The following EPHA6 variants were observed in gnomAD, a reference collection of about 807,000 sequenced individuals.
EPHA6 encodes the protein ephrin type-A receptor 6.
Under a neutral mutation model 112.0 loss-of-function variants are expected in EPHA6, and 50 were observed. The ratio of observed to expected loss-of-function variants is 0.45; its 90% CI spans 0.36 to 0.56. The LOEUF is 0.56. EPHA6 is among the 20% of genes least tolerant of loss of function. EPHA6 has a pLI of 0.00. For synonymous variants in EPHA6, 529 were observed against 490.7 expected, an observed-to-expected ratio of 1.08 and a Z score of -1.03; for missense variants, 1,280 against 1,417.4, an observed-to-expected ratio of 0.90 and a Z score of 1.56.
At chr3:96,934,106 A>G (rs2040465703) in intron 2 of EPHA6, among the ~76,000 whole-genome samples, 1 of 152,002 alleles carries the variant, frequency 6.6e-6, no homozygotes, top group African/African-American at 2.4e-5. Context: ...TAAAAATATG[A>G]AATACCTTTT....
intron 2 of EPHA6, among the ~76,000 whole-genome samples, chr3:96,910,411 A>T (rs973051330): frequency 6.6e-6 from 1 of 152,040 alleles, no homozygotes; most frequent in Admixed American, 6.6e-5. Flanking sequence ...AGCCATAATG[A>T]TGCCTTAAAA....
chr3:97,133,354 G>T (rs1218433904), intron 3 of EPHA6, among the ~76,000 whole-genome samples: 1 of 151,982 alleles, frequency 6.6e-6, no homozygotes, highest in Non-Finnish European at 1.5e-5. Context: ...CATTGAAATT[G>T]AAAGAGTAAG....
At chr3:97,366,273 G>T (rs189809004) in intron 5 of EPHA6, among the ~76,000 whole-genome samples, 3 of 152,018 alleles carry the variant, frequency 2.0e-5, no homozygotes, top group African/African-American at 7.2e-5. Context: ...ACTAATAAAA[G>T]CAATATGTTG....
chr3:97,257,517 G>A (rs542041251), intron 5 of EPHA6, among the ~76,000 whole-genome samples: 37 of 152,044 alleles, frequency 2.4e-4, no homozygotes, highest in Admixed American at 6.5e-4. Flanking sequence ...AATTGGACTC[G>A]TTGATTTTTC....
intron 1 of EPHA6, among the ~76,000 whole-genome samples, chr3:96,838,918 T>C (rs1381948459): frequency 6.6e-6 from 1 of 152,088 alleles, no homozygotes; most frequent in Admixed American, 6.6e-5. Context: ...TCACTTTAAC[T>C]AGTGGTCATT....
intron 14 of EPHA6, among the ~76,000 whole-genome samples, chr3:97,639,026 C>T (rs2093978322): frequency 6.6e-6 from 1 of 151,886 alleles, no homozygotes; most frequent in South Asian, 2.1e-4. Flanking sequence ...GAATAAAATG[C>T]AAGTTTAATA....
At position 97,513,443 on chromosome 3, in the gene EPHA6, A is replaced by AT. The variant is rs1362628573; in HGVS notation, c.2201-18909dup. 2.0e-5 allele frequency among the ~76,000 whole-genome samples: 3 copies of AT among 152,206 alleles called. No individual in the cohort carries two copies. In the East Asian group the frequency reaches 5.8e-4, roughly 29 times the overall value. The stretch of plus-strand genomic sequence containing the variant: ...TAAGTGTCCACCAACAGATAAATGG[A>AT]TTTTTTAAAATGTGATGTGGTATAT... On this transcript the variant is annotated intron_variant, in intron 10 of 17. Transcript: ENST00000389672.
At chr3:97,598,652 A>C (rs931993095) in intron 12 of EPHA6, among the ~76,000 whole-genome samples, 234 of 151,406 alleles carry the variant, frequency 1.5e-3, no homozygotes, top group Non-Finnish European at 2.9e-3. Flanking sequence ...CATTTTCTTA[A>C]TCCAGTCTAT....
chr3:96,815,114 C>T, intron 1 of EPHA6, 106 bp downstream of exon 1: 1 of 1,142,426 alleles, frequency 8.8e-7, no homozygotes, highest in Non-Finnish European at 1.2e-6. Flanking sequence ...GGGTCAGAGT[C>T]TCCTGGCTCG....
In EPHA6 at chr3:97,391,420, C is replaced by T. The variant is rs1023638080; in HGVS notation, c.1607-13730C>T. On this transcript the variant is annotated intron_variant, in intron 5 of 17. Transcript: ENST00000389672. ...TACAGTACAGTTTGTAAGTGCTAGA[C>T]TTCAGTCAGAAGTCTGTTCTTTACA... Among the ~76,000 whole-genome samples the T allele has an allele frequency of 4.6e-5, 7 of 151,960 alleles. No homozygotes were observed. The Admixed American group carries it at 4.6e-4, about 10-fold the overall frequency.
intron 5 of EPHA6, among the ~76,000 whole-genome samples, chr3:97,282,665 A>G (rs866205478): frequency 2.1e-4 from 32 of 152,196 alleles, no homozygotes; most frequent in Non-Finnish European, 2.8e-4. Flanking sequence ...CATAAAAAGG[A>G]ACGAGATTAT....
chr3:97,621,339 G>T (rs1345303113), intron 13 of EPHA6, among the ~76,000 whole-genome samples: 1 of 151,894 alleles, frequency 6.6e-6, no homozygotes, highest in African/African-American at 2.4e-5. Flanking sequence ...CCTGAAGGGT[G>T]AAATAATCTG....
chr3:97,607,302 C>T (rs1353167325), intron 12 of EPHA6, among the ~76,000 whole-genome samples: 4 of 150,630 alleles, frequency 2.7e-5, no homozygotes, highest in Admixed American at 2.0e-4. Flanking sequence ...AAAGTGTAGT[C>T]TTATGATTAT....
intron 3 of EPHA6, among the ~76,000 whole-genome samples, chr3:97,152,553 G>A (rs189633403): frequency 7.0e-4 from 107 of 151,848 alleles, no homozygotes; most frequent in African/African-American, 2.5e-3. Flanking sequence ...ATTATCTCTG[G>A]TTTCTACTAA....
intron 5 of EPHA6, among the ~76,000 whole-genome samples, chr3:97,269,550 T>A (rs2079811949): frequency 6.6e-6 from 1 of 152,154 alleles, no homozygotes; most frequent in South Asian, 2.1e-4. Context: ...AGTAGCAAAG[T>A]TCTATTGCAA....
intron 11 of EPHA6, among the ~76,000 whole-genome samples, chr3:97,535,329 A>G (rs959899975): frequency 2.0e-5 from 3 of 152,136 alleles, no homozygotes; most frequent in African/African-American, 7.2e-5. Flanking sequence ...GAAATAAAAT[A>G]AAAATCTCAT....
intron 14 of EPHA6, among the ~76,000 whole-genome samples, chr3:97,667,646 T>C (rs1463691620): frequency 9.2e-5 from 14 of 152,190 alleles, no homozygotes; most frequent in Admixed American, 9.2e-4. Context: ...TATATCTAAG[T>C]GCCTTTATGT....
At chr3:97,240,467 A>G (rs2078812360) in intron 4 of EPHA6, among the ~76,000 whole-genome samples, 1 of 151,898 alleles carries the variant, frequency 6.6e-6, no homozygotes, top group Non-Finnish European at 1.5e-5. Flanking sequence ...GTATCTTCAG[A>G]TATTTCGGTG....
intron 6 of EPHA6, among the ~76,000 whole-genome samples, chr3:97,428,432 A>G (rs1282860118): frequency 6.6e-6 from 1 of 152,180 alleles, no homozygotes; most frequent in Non-Finnish European, 1.5e-5. Context: ...TCACTTTAGT[A>G]TATTTTAAAC....
Sources: gnomAD v4.1 joint callset for allele counts (sites outside exome capture counted in the v4.1 genomes callset) on GRCh38, gnomAD v4.1.1 for gene constraint, MANE v1.5 for transcripts, NCBI Gene and HGNC (gene_info 2026-07-23, HGNC 2026-07-21) for gene names.